The following CCDC102B variants were observed in gnomAD, a reference collection of about 807,000 sequenced individuals.
The protein encoded by CCDC102B is coiled-coil domain-containing protein 102B.
In CCDC102B, 75 loss-of-function variants were observed where a neutral mutation model predicts 57.4. That is an observed-to-expected ratio of 1.31 (90% CI 1.08 to 1.58). The LOEUF (loss-of-function observed/expected upper bound fraction) is 1.58, where lower values mean the gene tolerates loss of function less well. CCDC102B is among the 40% of genes most tolerant of loss of function. CCDC102B has a pLI of 0.00. For missense variants in CCDC102B, 636 were observed against 582.6 expected (o/e 1.09, Z -0.94); for synonymous variants, 206 against 201.9 (o/e 1.02, Z -0.17).
At chr18:68,825,536 A>G (rs2036873573) in intron 1 of CCDC102B, among the ~76,000 whole-genome samples, 1 of 152,084 alleles carries the variant, frequency 6.6e-6, no homozygotes, top group Admixed American at 6.6e-5. Context: ...CTAAAAATAT[A>G]AAAATTAGTC....
chr18:68,987,042 T>A (rs1381081669), intron 6 of CCDC102B, among the ~76,000 whole-genome samples: 1 of 152,186 alleles, frequency 6.6e-6, no homozygotes, highest in Non-Finnish European at 1.5e-5. Flanking sequence ...ACTATCAATG[T>A]CATTTTTCAC....
chr18:68,836,660 CAAAAA>C (rs56673640), intron 1 of CCDC102B, 84 bp from the exon 2 acceptor site: 4,413 of 694,648 alleles, frequency 6.4e-3, no homozygotes, highest in East Asian at 8.9e-3. Flanking sequence ...CATCAATTTT[CAAAAA>C]AAAAAAAAAA....
intron 2 of CCDC102B, among the ~76,000 whole-genome samples, chr18:68,790,814 A>C (rs561341362): frequency 6.8e-4 from 103 of 152,354 alleles, no homozygotes; most frequent in African/African-American, 2.4e-3. Context: ...TGGGAGCTGT[A>C]GACCGGAGCT....
At chr18:68,978,093 T>A (rs2145282299) in intron 6 of CCDC102B, among the ~76,000 whole-genome samples, 1 of 152,152 alleles carries the variant, frequency 6.6e-6, no homozygotes. Flanking sequence ...AACATATAAT[T>A]AAATGTTTAA....
In CCDC102B at chr18:69,011,114, T is replaced by C; in HGVS notation, c.1434+10T>C. The stretch of plus-strand genomic sequence containing the variant: ...TCAAAAAGAAGATGAGGTACTACTT[T>C]ATGAGTGAACACGTGCTGGACAGCT... On this transcript the variant is annotated intron_variant, in intron 7 of 7. Transcript: ENST00000360242. 7 of 1,609,886 alleles carry C rather than the reference T, an allele frequency of 4.3e-6. No individual in the cohort carries two copies. The highest frequency in any genetic ancestry group is 5.1e-6 in the Non-Finnish European group (6 of 1,177,890).
chr18:68,819,934 G>A (rs1319438742), intron 1 of CCDC102B, among the ~76,000 whole-genome samples: 1 of 152,016 alleles, frequency 6.6e-6, no homozygotes, highest in Non-Finnish European at 1.5e-5. Flanking sequence ...CTTTAGATCA[G>A]TAACTTTACT....
chr18:68,807,050 G>A (rs2036058502), intron 1 of CCDC102B, among the ~76,000 whole-genome samples: 1 of 152,044 alleles, frequency 6.6e-6, no homozygotes, highest in Non-Finnish European at 1.5e-5. Flanking sequence ...TTGAAAGGGG[G>A]AACACATATG....
At chr18:68,861,305 T>TA (rs1257473160) in intron 4 of CCDC102B, among the ~76,000 whole-genome samples, 1 of 151,922 alleles carries the variant, frequency 6.6e-6, no homozygotes, top group Non-Finnish European at 1.5e-5. Flanking sequence ...ATGTTTTTTT[T>TA]TTCTCTGCAC....
intron 4 of CCDC102B, among the ~76,000 whole-genome samples, chr18:68,848,671 C>G (rs1444893584): frequency 6.6e-6 from 1 of 152,006 alleles, no homozygotes; most frequent in African/African-American, 2.4e-5. Flanking sequence ...ACTTACTCAG[C>G]TTTTCCTTTG....
chr18:69,044,584 T>C (rs2052512245), intron 7 of CCDC102B, among the ~76,000 whole-genome samples: 2 of 152,176 alleles, frequency 1.3e-5, no homozygotes, highest in Non-Finnish European at 2.9e-5. Flanking sequence ...TTTCTATGTT[T>C]TGATATTTAT....
chr18:68,914,210 G>A (rs2040982114), intron 6 of CCDC102B, among the ~76,000 whole-genome samples: 2 of 152,150 alleles, frequency 1.3e-5, no homozygotes, highest in Non-Finnish European at 2.9e-5. Flanking sequence ...TGTAGAGTTT[G>A]AGACTCTCCC....
chr18:68,972,690 A>G (rs928443752), intron 6 of CCDC102B, among the ~76,000 whole-genome samples: 3 of 152,174 alleles, frequency 2.0e-5, no homozygotes, highest in African/African-American at 4.8e-5. Flanking sequence ...ATAATGTAAT[A>G]TGTATTACTA....
At chr18:68,765,320 G>GAAAGAAAAGAAAGAAAGAAA (rs1568238728) in intron 2 of CCDC102B, among the ~76,000 whole-genome samples, 19 of 40,642 alleles carry the variant, frequency 4.7e-4, no homozygotes, top group South Asian at 2.3e-3. Flanking sequence ...AAGGAAGGAA[G>GAAAGAAAAGAAAGAAAGAAA]GAAGGAAAGA....
At chr18:68,793,305 G>A (rs531850883), upstream of CCDC102B, among the ~76,000 whole-genome samples, 2 of 152,172 alleles carry the variant, frequency 1.3e-5, no homozygotes, top group African/African-American at 4.8e-5. Context: ...TTAAACTGTA[G>A]CGGAATTCAA....
At chr18:68,869,835 TA>T (rs1406210955) in intron 4 of CCDC102B, among the ~76,000 whole-genome samples, 1 of 152,198 alleles carries the variant, frequency 6.6e-6, no homozygotes, top group African/African-American at 2.4e-5. Flanking sequence ...GGTTTTCTTC[TA>T]TTTTTTTTTA....
intron 1 of CCDC102B, among the ~76,000 whole-genome samples, chr18:68,823,626 C>T (rs1307753314): frequency 2.0e-5 from 3 of 152,134 alleles, no homozygotes; most frequent in Admixed American, 6.5e-5. Flanking sequence ...TTTAACAAAT[C>T]TCCGAATTGC....
At chr18:68,964,504 T>G (rs1426652396) in intron 6 of CCDC102B, among the ~76,000 whole-genome samples, 1 of 151,782 alleles carries the variant, frequency 6.6e-6, no homozygotes, top group African/African-American at 2.4e-5. Context: ...TTGAATCTTG[T>G]GAGTTTAGTA....
chr18:69,015,899 G>C (rs563197457), intron 7 of CCDC102B, among the ~76,000 whole-genome samples: 2 of 151,828 alleles, frequency 1.3e-5, no homozygotes, highest in Admixed American at 1.3e-4. Flanking sequence ...CTGTCACCCA[G>C]GCTGGAGTGC....
intron 5 of CCDC102B, among the ~76,000 whole-genome samples, chr18:68,880,309 A>G (rs2039640660): frequency 6.6e-6 from 1 of 152,192 alleles, no homozygotes; most frequent in Non-Finnish European, 1.5e-5. Context: ...CACCAAGCCC[A>G]TGCCCACCCG....
Sources: allele counts gnomAD v4.1 joint callset (sites outside exome capture counted in the v4.1 genomes callset), GRCh38; gene constraint gnomAD v4.1.1; transcripts MANE v1.5; gene names NCBI Gene and HGNC (gene_info 2026-07-23, HGNC 2026-07-21).